The following CUL4A variants were observed in gnomAD, a reference collection of about 807,000 sequenced individuals.
CUL4A encodes the protein cullin 4A, also known as cullin-4A.
CUL4A carries 16 observed loss-of-function variants against 95.5 expected under a neutral mutation model. That is an observed-to-expected ratio of 0.17 (90% CI 0.11 to 0.25). The LOEUF is 0.25. Among genes scored for constraint, CUL4A ranks in the 10% least tolerant of loss-of-function variants. The pLI, the probability that CUL4A is intolerant of heterozygous loss-of-function variation, is 1.00. For synonymous variants in CUL4A, 380 were observed against 353.1 expected (o/e 1.08, Z -0.85); for missense variants, 610 against 937.0 (o/e 0.65, Z 4.56).
At chr13:113,221,461 C>T (rs976227226) in intron 3 of CUL4A, among the ~76,000 whole-genome samples, 13 of 152,226 alleles carry the variant, frequency 8.5e-5, no homozygotes, top group African/African-American at 3.1e-4. Context: ...TAAATCTGAG[C>T]AGAATGGGAT....
Position 113,263,650 on chromosome 13 carries a change from G to A in CUL4A, c.*68G>A, listed in dbSNP as rs979437575. The stretch of plus-strand genomic sequence containing the variant: ...CCCTCAGAGCAGGAAGCACACCTGT[G>A]CCATTTCTGGGACTCTGATTGATCC... On this transcript the variant is annotated 3_prime_UTR_variant, in exon 20 of 20. Transcript: ENST00000375440. 15 of 999,018 alleles carry A rather than the reference G, an allele frequency of 1.5e-5. No individual in the cohort carries two copies. In the African/African-American group the frequency reaches 2.2e-4, roughly 14 times the overall value. 61.9% of individuals were successfully genotyped at this position (999,018 alleles called of 1,614,324 possible).
At chr13:113,232,829 G>A (rs1172655943) in intron 5 of CUL4A, among the ~76,000 whole-genome samples, 15 of 152,146 alleles carry the variant, frequency 9.9e-5, no homozygotes, top group Admixed American at 9.8e-4. Flanking sequence ...GGGGCAGGCA[G>A]GGTCGTGGTG....
chr13:113,209,535 G>C (rs1384680546), upstream of CUL4A: 1 of 740,012 alleles, frequency 1.4e-6, no homozygotes, highest in Non-Finnish European at 1.6e-6. Context: ...CGCGCGAGGA[G>C]GACGGGGCGG....
In CUL4A at chr13:113,232,609, T is replaced by C. The variant is rs1323047957; in HGVS notation, c.513-568T>C. Among the ~76,000 whole-genome samples the C allele has an allele frequency of 2.0e-5, 3 of 152,218 alleles. No homozygotes were observed. In the East Asian group the frequency reaches 5.8e-4, roughly 29 times the overall value. ...GACAGCCACTGGCAGCTGAACCATC[T>C]TCCTAACATTCCTCAGGCCATGAGC... On this transcript the variant is annotated intron_variant, in intron 5 of 19. Transcript: ENST00000375440.
At chr13:113,228,565 G>A (rs2041192374) in intron 4 of CUL4A, among the ~76,000 whole-genome samples, 1 of 152,046 alleles carries the variant, frequency 6.6e-6, no homozygotes, top group Non-Finnish European at 1.5e-5. Flanking sequence ...TCTGGGCCAG[G>A]TAGCTGGCAG....
intron 2 of CUL4A, among the ~76,000 whole-genome samples, chr13:113,217,254 C>A (rs1156795115): frequency 6.6e-6 from 1 of 152,114 alleles, no homozygotes; most frequent in Non-Finnish European, 1.5e-5. Flanking sequence ...TCGTAAAGTT[C>A]TCTTGGTTGT....
chr13:113,208,654 G>C, upstream of CUL4A: 2 of 1,604,148 alleles, frequency 1.2e-6, no homozygotes, highest in Non-Finnish European at 1.7e-6. Flanking sequence ...GCCGAACGGA[G>C]AGCGCCACCC....
intron 11 of CUL4A, among the ~76,000 whole-genome samples, chr13:113,243,604 G>A (rs558539181): frequency 3.3e-5 from 5 of 149,934 alleles, no homozygotes; most frequent in South Asian, 4.2e-4. Context: ...TTTTTAATTC[G>A]AAGGAGAAAG....
intron 16 of CUL4A, among the ~76,000 whole-genome samples, chr13:113,254,014 A>G (rs566389113): frequency 6.6e-5 from 10 of 152,266 alleles, no homozygotes; most frequent in Non-Finnish European, 1.2e-4. Flanking sequence ...GTTAATTTCT[A>G]TTATCCCCAG....
intron 7 of CUL4A, among the ~76,000 whole-genome samples, chr13:113,234,742 G>A (rs2041481290): frequency 6.6e-6 from 1 of 152,164 alleles, no homozygotes; most frequent in Non-Finnish European, 1.5e-5. Context: ...CTCCTACCAA[G>A]TGAGGCTCAG....
chr13:113,234,967 T>G (rs1357691708), intron 7 of CUL4A, 96 bp from the exon 8 acceptor site: 1 of 907,304 alleles, frequency 1.1e-6, no homozygotes, highest in Admixed American at 2.5e-5. Context: ...TTCTGCTTTT[T>G]AAAAAAATTA....
At chr13:113,246,644 C>T (rs751912054) in intron 15 of CUL4A, among the ~76,000 whole-genome samples, 6 of 152,158 alleles carry the variant, frequency 3.9e-5, no homozygotes, top group Non-Finnish European at 7.3e-5. Context: ...ATGATGATTT[C>T]GTCAGCTGAG....
At chr13:113,213,442 C>G (rs144129788) in intron 2 of CUL4A, among the ~76,000 whole-genome samples, 1 of 151,868 alleles carries the variant, frequency 6.6e-6, no homozygotes, top group East Asian at 1.9e-4. Flanking sequence ...GTGGTTATTT[C>G]AGGCAGAAAG....
At chr13:113,240,879 T>C (rs2041689158) in intron 10 of CUL4A, among the ~76,000 whole-genome samples, 1 of 152,232 alleles carries the variant, frequency 6.6e-6, no homozygotes, top group Non-Finnish European at 1.5e-5. Context: ...GAGACACTGT[T>C]GTGTAGTTTC....
intron 18 of CUL4A, among the ~76,000 whole-genome samples, chr13:113,259,566 AT>A (rs1429298208): frequency 6.6e-6 from 1 of 152,156 alleles, no homozygotes; most frequent in Non-Finnish European, 1.5e-5. Flanking sequence ...CAAAAAATCA[AT>A]TTTATCATGC....
intron 8 of CUL4A, among the ~76,000 whole-genome samples, chr13:113,235,832 G>A (rs549241905): frequency 8.5e-5 from 13 of 152,118 alleles, no homozygotes; most frequent in Non-Finnish European, 1.9e-4. Context: ...TTAGCCGGGC[G>A]TGGTGGCGGG....
chr13:113,236,748 G>GC, intron 8 of CUL4A, 75 bp from the exon 9 acceptor site: 1 of 950,716 alleles, frequency 1.1e-6, no homozygotes. Flanking sequence ...ATAGACAAAT[G>GC]CCCCCATCTT....
At chr13:113,250,845 G>A (rs1424106102) in intron 15 of CUL4A, among the ~76,000 whole-genome samples, 2 of 152,028 alleles carry the variant, frequency 1.3e-5, no homozygotes, top group Non-Finnish European at 2.9e-5. Context: ...ATGATATCGT[G>A]CCTGGGATTT....
chr13:113,219,005 G>T lies in CUL4A; in HGVS notation c.325G>T (p.Ala109Ser), dbSNP rs756498004. Residue 109 changes from alanine to serine, a missense_variant, in exon 3 of 20, where the codon GCC becomes TCC. Transcript: ENST00000375440. ...AATGCTCTACAAGCAACTGCGTCAGGCCTGTGAAGACCACGTCCAGGCACA... is the reference window on the plus strand; with the variant it reads ...AATGCTCTACAAGCAACTGCGTCAGTCCTGTGAAGACCACGTCCAGGCACA... ...SPMLYKQLRQ[A>S]CEDHVQAQIL... The T allele has an allele frequency of 4.3e-6, 7 of 1,613,610 alleles. No homozygotes were observed. The highest frequency in any genetic ancestry group is 5.9e-6 in the Non-Finnish European group (7 of 1,179,906).
Sources: gnomAD v4.1 joint callset for allele counts (sites outside exome capture counted in the v4.1 genomes callset) on GRCh38, gnomAD v4.1.1 for gene constraint, MANE v1.5 for transcripts, NCBI Gene and HGNC (gene_info 2026-07-23, HGNC 2026-07-21) for gene names.